Variants in DIS3L2 observed in about 807,000 individuals in gnomAD.
DIS3L2 encodes the protein DIS3 like 3'-5' exoribonuclease 2.
A neutral mutation model predicts 97.5 loss-of-function variants in DIS3L2; 34 were observed. That is an observed-to-expected ratio of 0.35 (90% CI 0.27 to 0.46). DIS3L2 has a LOEUF of 0.46. Ranked by LOEUF, DIS3L2 falls within the 20% of genes least tolerant of loss-of-function variation. The pLI is 1.00. For missense variants in DIS3L2, 1,038 were observed against 1,146.0 expected, an observed-to-expected ratio of 0.91 and a Z score of 1.36; for synonymous variants, 435 against 445.2, an observed-to-expected ratio of 0.98 and a Z score of 0.29.
At chr2:232,044,368 G>A (rs1185051309) in intron 5 of DIS3L2, among the ~76,000 whole-genome samples, 1 of 152,158 alleles carries the variant, frequency 6.6e-6, no homozygotes, top group Non-Finnish European at 1.5e-5. Context: ...ACAAGGAGGA[G>A]ATGAATTTAA....
chr2:232,100,678 T>A (rs951572348), intron 6 of DIS3L2, among the ~76,000 whole-genome samples: 1 of 152,144 alleles, frequency 6.6e-6, no homozygotes, highest in Non-Finnish European at 1.5e-5. Context: ...TTTTTGTTAA[T>A]GTTTAATTTT....
At chr2:232,335,589 A>C (rs1410845531) in intron 19 of DIS3L2, 184 bp from the exon 20 acceptor site, 4 of 620,376 alleles carry the variant, frequency 6.4e-6, no homozygotes, top group Admixed American at 3.0e-5. Context: ...GCCCTTGGTC[A>C]CTCTCACCTG....
intron 12 of DIS3L2, among the ~76,000 whole-genome samples, chr2:232,259,532 G>A (rs1019528714): frequency 6.6e-6 from 1 of 152,126 alleles, no homozygotes. Context: ...GTACAGGGGT[G>A]TCTGGGAACC....
intron 14 of DIS3L2, among the ~76,000 whole-genome samples, chr2:232,323,607 C>G (rs1207865762): frequency 6.6e-6 from 1 of 152,194 alleles, no homozygotes; most frequent in African/African-American, 2.4e-5. Context: ...CAGAGGCCTT[C>G]TCCTCTGGGC....
rs530857604 is a variant in DIS3L2 at position 231,979,288 on chromosome 2, T to C, written c.-94+17523T>C. Among the ~76,000 whole-genome samples, 4 of 152,264 alleles carry C rather than the reference T, an allele frequency of 2.6e-5. No individual in the cohort carries two copies. In the East Asian group the frequency reaches 7.7e-4, roughly 29 times the overall value. ...TTTTTATTTTGAAACAGGGTCTCACTCTGTCACCCAGGCTGGAGTGTAGTA... is the reference window on the plus strand; with the variant it reads ...TTTTTATTTTGAAACAGGGTCTCACCCTGTCACCCAGGCTGGAGTGTAGTA... On this transcript the variant is annotated intron_variant, in intron 1 of 20. Transcript: ENST00000325385.
At position 232,268,221 on chromosome 2, in the gene DIS3L2, A is replaced by G. The variant is rs1331622584; in HGVS notation, c.1659+4781A>G. On this transcript the variant is annotated intron_variant, in intron 13 of 20. Transcript: ENST00000325385. This position sits in a 1 kb window ranked among gnomAD's most constrained non-coding sequence, Gnocchi z 4.1. ...CTGATGTTACCATCTTCCCAGGCAAATTACTCTCAACTCCAGGAGCTTCAC... is the reference window on the plus strand; with the variant it reads ...CTGATGTTACCATCTTCCCAGGCAAGTTACTCTCAACTCCAGGAGCTTCAC... Among the ~76,000 whole-genome samples the G allele has an allele frequency of 6.6e-6, 1 of 152,128 alleles. No individual in the cohort carries two copies. The highest frequency in any genetic ancestry group is 1.5e-5 in the Non-Finnish European group (1 of 68,032).
chr2:231,987,961 A>G (rs1693465522), intron 1 of DIS3L2, among the ~76,000 whole-genome samples: 1 of 152,068 alleles, frequency 6.6e-6, no homozygotes, highest in South Asian at 2.1e-4. Context: ...CTCCTGCCTC[A>G]GCCTCCCAAG....
intron 13 of DIS3L2, among the ~76,000 whole-genome samples, chr2:232,275,213 TGCGGAACA>T (rs1694110152): frequency 1.3e-5 from 2 of 152,242 alleles, no homozygotes; most frequent in South Asian, 4.1e-4. Flanking sequence ...AGGTGCCTGG[TGCGGAACA>T]CCATCAGCTT....
rs1395962146 is a variant in DIS3L2, at chr2:232,330,748, TC to T, written c.1983del (p.Thr662ProfsTer58). On this transcript the variant is annotated frameshift_variant, in exon 16 of 21. Transcript: ENST00000325385. LOFTEE classifies it high-confidence loss of function. Reference sequence around the variant, plus strand: ...TACTCACTGGCCCGCAAGGAGGTGCTCACCAACATGTGCTCCCGGCCCATGC... The same window carrying T: ...TACTCACTGGCCCGCAAGGAGGTGCTACCAACATGTGCTCCCGGCCCATGC... ...DKYSLARKEV[L>X]TNMCSRPMQM... The T allele has an allele frequency of 2.5e-6, 4 of 1,612,926 alleles. No homozygotes were observed. The highest frequency in any genetic ancestry group is 3.4e-6 in the Non-Finnish European group (4 of 1,180,014).
intron 6 of DIS3L2, among the ~76,000 whole-genome samples, chr2:232,107,922 G>A (rs1346640215): frequency 6.6e-6 from 1 of 152,062 alleles, no homozygotes; most frequent in African/African-American, 2.4e-5. Context: ...ACCAACCGAA[G>A]AAAGCCCAGG....
At chr2:232,329,785 T>TCCCGGGGGCG in intron 14 of DIS3L2, 28 bp from the exon 15 acceptor site, 3 of 967,142 alleles carry the variant, frequency 3.1e-6, no homozygotes, top group East Asian at 3.1e-5. Context: ...ACCCCAGCGG[T>TCCCGGGGGCG]CCCTCCCATC....
At chr2:232,212,102 T>A (rs1024488279) in intron 10 of DIS3L2, among the ~76,000 whole-genome samples, 2 of 152,222 alleles carry the variant, frequency 1.3e-5, no homozygotes, top group African/African-American at 4.8e-5. Flanking sequence ...TATATCTTTT[T>A]AAAATCCAAA....
chr2:232,154,424 C>G (rs1690417126), intron 8 of DIS3L2, among the ~76,000 whole-genome samples: 1 of 18,072 alleles, frequency 5.5e-5, no homozygotes, highest in East Asian at 1.1e-3. Flanking sequence ...TTCTAACAGA[C>G]AGGACCCTCA....
chr2:231,985,114 T>C (rs960030407), intron 1 of DIS3L2, among the ~76,000 whole-genome samples: 2 of 152,210 alleles, frequency 1.3e-5, no homozygotes, highest in Non-Finnish European at 2.9e-5. Flanking sequence ...TTTACCAGTT[T>C]TGCTTTTACT....
rs1013934842 is a variant in DIS3L2 at position 231,962,158 on chromosome 2, C to T, written c.-94+393C>T. Among the ~76,000 whole-genome samples the T allele has an allele frequency of 1.1e-4, 16 of 152,200 alleles. 1 individual carries two copies. The highest frequency in any genetic ancestry group is 8.5e-4 in the Admixed American group (13 of 15,284). ...AGGGTCTTGATCGAGATGTTCAGGA[C>T]TGGCAGGGATGGGGAGCCTCGGGAA... On this transcript the variant is annotated intron_variant, in intron 1 of 20. Transcript: ENST00000325385.
chr2:232,298,728 T>G (rs1409195064), intron 13 of DIS3L2, among the ~76,000 whole-genome samples: 1 of 152,248 alleles, frequency 6.6e-6, no homozygotes, highest in African/African-American at 2.4e-5. Context: ...GTGCAGTTAA[T>G]TTTAGTTAAA....
Position 232,336,449 on chromosome 2 carries a change from C to G in DIS3L2, c.2497-20C>G. 4 of 1,603,238 alleles carry G rather than the reference C, an allele frequency of 2.5e-6. No individual in the cohort carries two copies. The highest frequency in any genetic ancestry group is 3.4e-6 in the Non-Finnish European group (4 of 1,175,770). ...TCAGGCCCTGCCATCCTTGTCCCCT[C>G]ACGGCTGGGCTCTGCACAGGTCATC... On this transcript the variant is annotated intron_variant, in intron 20 of 20. Coordinates refer to ENST00000325385, the MANE Select transcript of DIS3L2 (RefSeq NM_152383.5).
intron 9 of DIS3L2, among the ~76,000 whole-genome samples, chr2:232,171,284 C>T (rs535130088): frequency 1.3e-5 from 2 of 152,266 alleles, no homozygotes; most frequent in South Asian, 4.1e-4. Context: ...TAATAGATTT[C>T]TTAGAGTTTC....
intron 1 of DIS3L2, among the ~76,000 whole-genome samples, chr2:231,963,378 G>A (rs1692622676): frequency 6.6e-6 from 1 of 152,052 alleles, no homozygotes; most frequent in African/African-American, 2.4e-5. Context: ...GTATGTCGTG[G>A]TTTTTTCTTT....
Sources: allele counts gnomAD v4.1 joint callset (sites outside exome capture counted in the v4.1 genomes callset), GRCh38; gene constraint gnomAD v4.1.1; non-coding constraint Gnocchi (gnomAD v3.1); transcripts MANE v1.5; gene names NCBI Gene and HGNC (gene_info 2026-07-23, HGNC 2026-07-21).